SAMD4A: variants seen among roughly 807,000 people sequenced by gnomAD.
The protein encoded by SAMD4A is protein Smaug homolog 1.
A neutral mutation model predicts 81.3 loss-of-function variants in SAMD4A; 33 were observed. The ratio of observed to expected loss-of-function variants is 0.41; its 90% CI spans 0.31 to 0.54. The LOEUF (loss-of-function observed/expected upper bound fraction) is 0.54. SAMD4A is among the 20% of genes least tolerant of loss of function. The probability of loss-of-function intolerance (pLI) is 0.37; values close to 1 mark genes in which losing one functional copy is unlikely to be tolerated. For synonymous variants in SAMD4A, 389 were observed against 382.1 expected (o/e 1.02, Z -0.21); for missense variants, 854 against 951.1 (o/e 0.90, Z 1.34).
At chr14:54,720,680 T>G (rs2037237927) in intron 3 of SAMD4A, among the ~76,000 whole-genome samples, 1 of 152,202 alleles carries the variant, frequency 6.6e-6, no homozygotes, top group African/African-American at 2.4e-5. Context: ...AGGATCTCTC[T>G]GTACCTTAAA....
At position 54,600,407 on chromosome 14, in the gene SAMD4A, A is replaced by C. The variant is rs548461011; in HGVS notation, c.196+32295A>C. 3.9e-5 allele frequency among the ~76,000 whole-genome samples: 6 copies of C among 152,306 alleles called. No homozygotes were observed. In the East Asian group the frequency reaches 1.2e-3, roughly 29 times the overall value. On this transcript the variant is annotated intron_variant, in intron 2 of 12. Transcript: ENST00000554335. ...CTATTTATTCCTAAAACAAATCTTC[A>C]TTAAGTTCATCCAGTGCTTCCATTG...
intron 2 of SAMD4A, among the ~76,000 whole-genome samples, chr14:54,589,178 G>A (rs74994376): frequency 0.015 from 2,209 of 152,282 alleles, 47 homozygotes; most frequent in African/African-American, 0.045. Flanking sequence ...TGGGACAAGA[G>A]TTACAATGGA....
At chr14:54,584,941 T>C (rs2033574155) in intron 2 of SAMD4A, among the ~76,000 whole-genome samples, 1 of 152,208 alleles carries the variant, frequency 6.6e-6, no homozygotes, top group Non-Finnish European at 1.5e-5. Context: ...ATTATATTTC[T>C]ATTGTAGAAA....
At chr14:54,739,060 T>C (rs1407533373) in intron 4 of SAMD4A, among the ~76,000 whole-genome samples, 3 of 140,522 alleles carry the variant, frequency 2.1e-5, no homozygotes, top group Non-Finnish European at 4.7e-5. Context: ...CTTTTCTTTT[T>C]TTTTTTTTTT....
intron 2 of SAMD4A, among the ~76,000 whole-genome samples, chr14:54,642,257 A>T (rs573947156): frequency 1.4e-4 from 21 of 152,256 alleles, no homozygotes; most frequent in African/African-American, 5.1e-4. Flanking sequence ...GGTCATGATA[A>T]TGTGGAGGAG....
intron 2 of SAMD4A, among the ~76,000 whole-genome samples, chr14:54,603,680 T>G (rs2034121214): frequency 6.6e-6 from 1 of 152,118 alleles, no homozygotes; most frequent in South Asian, 2.1e-4. Flanking sequence ...CTGCTGTACA[T>G]GAGTCATTCA....
intron 2 of SAMD4A, among the ~76,000 whole-genome samples, chr14:54,607,705 C>T (rs1015752022): frequency 1.1e-4 from 17 of 152,174 alleles, no homozygotes; most frequent in African/African-American, 2.6e-4. Context: ...CCGCCCGCCT[C>T]GGCCTCCCAA....
intron 6 of SAMD4A, among the ~76,000 whole-genome samples, chr14:54,751,995 A>G (rs1025534503): frequency 6.6e-6 from 1 of 152,192 alleles, no homozygotes; most frequent in Non-Finnish European, 1.5e-5. Flanking sequence ...AAATACCAAC[A>G]GGTACACTGC....
intron 9 of SAMD4A, 30 bp from the exon 10 acceptor site, chr14:54,774,904 A>G: frequency 6.2e-7 from 1 of 1,611,122 alleles, no homozygotes; most frequent in Non-Finnish European, 8.5e-7. Flanking sequence ...AACGACTGAT[A>G]TTCTCTTCCT....
chr14:54,638,038 A>G (rs988853992), intron 2 of SAMD4A, among the ~76,000 whole-genome samples: 1 of 152,182 alleles, frequency 6.6e-6, no homozygotes, highest in African/African-American at 2.4e-5. Context: ...CTTTTTGCCA[A>G]ATGGTCACCA....
chr14:54,577,565 A>G (rs1048015660), intron 2 of SAMD4A, among the ~76,000 whole-genome samples: 4 of 152,236 alleles, frequency 2.6e-5, no homozygotes, highest in African/African-American at 9.6e-5. Context: ...AATAGCATGC[A>G]TAAAAAGGGA....
At chr14:54,736,899 G>GT in intron 3 of SAMD4A, 125 bp from the exon 4 acceptor site, 2 of 1,130,938 alleles carry the variant, frequency 1.8e-6, no homozygotes, top group Non-Finnish European at 2.6e-6. Flanking sequence ...TCAACCTGCT[G>GT]TGACCATGGA....
intron 2 of SAMD4A, among the ~76,000 whole-genome samples, chr14:54,609,172 G>A (rs1594729166): frequency 6.6e-6 from 1 of 152,136 alleles, no homozygotes; most frequent in South Asian, 2.1e-4. Context: ...TTATTGTAGT[G>A]GGCTCAATGT....
At chr14:54,690,388 G>A (rs1377811178) in intron 2 of SAMD4A, among the ~76,000 whole-genome samples, 1 of 152,146 alleles carries the variant, frequency 6.6e-6, no homozygotes, top group African/African-American at 2.4e-5. Flanking sequence ...CAAACAGCCA[G>A]AGGTTAAGTC....
chr14:54,664,889 C>T (rs1011885024), intron 2 of SAMD4A, among the ~76,000 whole-genome samples: 1 of 151,422 alleles, frequency 6.6e-6, no homozygotes, highest in Non-Finnish European at 1.5e-5. Flanking sequence ...TAAAGTGTGA[C>T]TTAACATTAG....
chr14:54,694,548 C>T (rs1258803522), intron 2 of SAMD4A: 2 of 794,510 alleles, frequency 2.5e-6, no homozygotes, highest in African/African-American at 1.9e-5. Context: ...GGAGAGGGTG[C>T]AGTTGGAGTG....
chr14:54,736,942 G>C (rs2037709516), intron 3 of SAMD4A, 82 bp from the exon 4 acceptor site: 1 of 1,484,380 alleles, frequency 6.7e-7, no homozygotes, highest in Non-Finnish European at 9.3e-7. Context: ...GTATCTCTCA[G>C]GGTTAAGAGG....
chr14:54,737,495 G>A (rs2140928005), intron 4 of SAMD4A, among the ~76,000 whole-genome samples: 1 of 148,684 alleles, frequency 6.7e-6, no homozygotes, highest in Admixed American at 6.7e-5. Flanking sequence ...CAAAATCTGG[G>A]AAATAGGAAC....
At chr14:54,767,641 G>T (rs971363677) in intron 8 of SAMD4A, among the ~76,000 whole-genome samples, 3 of 152,248 alleles carry the variant, frequency 2.0e-5, no homozygotes, top group African/African-American at 7.2e-5. Context: ...GTGACTAGGG[G>T]TGCCTGGGCA....
Sources: allele counts gnomAD v4.1 joint callset (sites outside exome capture counted in the v4.1 genomes callset), GRCh38; gene constraint gnomAD v4.1.1; transcripts MANE v1.5; gene names NCBI Gene and HGNC (gene_info 2026-07-23, HGNC 2026-07-21).